VCL: variants seen among roughly 807,000 people sequenced by gnomAD.
The protein encoded by VCL is epididymis luminal protein 114.
Under a neutral mutation model 125.7 loss-of-function variants are expected in VCL, and 47 were observed. The observed-to-expected ratio is 0.37, with a 90% CI of 0.30 to 0.48. VCL has a LOEUF of 0.48. Ranked by LOEUF, VCL falls within the 20% of genes least tolerant of loss-of-function variation. VCL has a pLI of 0.99. For synonymous variants in VCL, 458 were observed against 514.6 expected, an observed-to-expected ratio of 0.89 and a Z score of 1.49; for missense variants, 1,069 against 1,455.5, an observed-to-expected ratio of 0.73 and a Z score of 4.32.
intron 2 of VCL, among the ~76,000 whole-genome samples, chr10:74,051,616 A>T (rs1465183124): frequency 2.0e-5 from 3 of 152,226 alleles, no homozygotes; most frequent in Admixed American, 2.0e-4. Flanking sequence ...GAACTGTTTG[A>T]TTCCAAGTAT....
chr10:74,018,160 T>G (rs1414938071), intron 1 of VCL, among the ~76,000 whole-genome samples: 4 of 92,896 alleles, frequency 4.3e-5, no homozygotes, highest in Non-Finnish European at 1.0e-4. Flanking sequence ...TCTGGTAAAA[T>G]GTGAGGATAT....
chr10:74,003,257 CAG>C (rs1565630426), intron 1 of VCL, among the ~76,000 whole-genome samples: 1 of 151,706 alleles, frequency 6.6e-6, no homozygotes, highest in East Asian at 1.9e-4. Context: ...GTTTTAAACA[CAG>C]AGAGTGAGTC....
intron 6 of VCL, 144 bp from the exon 7 acceptor site, chr10:74,082,310 T>C (rs777944202): frequency 3.2e-5 from 24 of 760,508 alleles, no homozygotes; most frequent in Admixed American, 2.8e-4. Flanking sequence ...AGAATTGTGG[T>C]GTGGTGACAA....
At chr10:74,024,705 G>T (rs1042981343) in intron 1 of VCL, among the ~76,000 whole-genome samples, 5 of 152,142 alleles carry the variant, frequency 3.3e-5, no homozygotes, top group African/African-American at 1.2e-4. Flanking sequence ...GTGTTGGTCA[G>T]TACTGGTTCA....
intron 2 of VCL, among the ~76,000 whole-genome samples, chr10:74,066,652 C>A (rs1841575702): frequency 6.7e-6 from 1 of 149,086 alleles, no homozygotes; most frequent in African/African-American, 2.5e-5. Context: ...TCTAAAGTAC[C>A]TGGTACTATT....
At chr10:74,002,892 AAAAAAG>A (rs1278097962) in intron 1 of VCL, among the ~76,000 whole-genome samples, 17 of 151,540 alleles carry the variant, frequency 1.1e-4, no homozygotes, top group African/African-American at 3.1e-4. Flanking sequence ...AAAAAAAAAA[AAAAAAG>A]AAAGACATTA....
chr10:74,024,098 A>C (rs1338068510), intron 1 of VCL, among the ~76,000 whole-genome samples: 2 of 152,220 alleles, frequency 1.3e-5, no homozygotes, highest in Non-Finnish European at 2.9e-5. Context: ...CATTTGACAC[A>C]TGAATATTAT....
rs1223112568 is a variant in VCL at position 74,070,836 on chromosome 10, C to T, written c.390+16C>T. 1 of 1,613,788 alleles carries T rather than the reference C, an allele frequency of 6.2e-7. No individual in the cohort carries two copies. The highest frequency in any genetic ancestry group is 8.5e-7 in the Non-Finnish European group (1 of 1,179,942). On this transcript the variant is annotated intron_variant, in intron 3 of 21. Coordinates refer to ENST00000211998, the MANE Select transcript of VCL (RefSeq NM_014000.3). ...TGAGGCTGAGGTAGGCAATCTGAGA[C>T]AAAAAGCCTACTCTTGAAGATAATA...
intron 1 of VCL, among the ~76,000 whole-genome samples, chr10:74,000,055 G>A (rs1840198572): frequency 6.6e-6 from 1 of 152,064 alleles, no homozygotes; most frequent in Admixed American, 6.6e-5. Flanking sequence ...TGTAGTCTAG[G>A]GGTTGATATC....
At position 73,998,343 on chromosome 10, in the gene VCL, G is replaced by A. The variant is rs992545879; in HGVS notation, c.136G>A (p.Ala46Thr). The change falls in exon 1 of 22, where the codon GCC becomes ACC. Residue 46 changes from alanine to threonine, a missense_variant. By Grantham distance (58) the Ala-to-Thr change is moderately conservative (BLOSUM62 0). Around this residue, in one of 6 missense-constraint regions of VCL, gnomAD observed 96 missense variants for 137.6 expected, o/e 0.70. Transcript: ENST00000211998. ...AIPDLTAPVA[A>T]VQAAVSNLVR... is the part of the protein sequence containing the mutation. ...TCCTGACCTCACCGCGCCCGTGGCC[G>A]CCGTGCAGGCGGCCGTCAGCAACCT... The A allele has an allele frequency of 4.5e-6, 7 of 1,552,536 alleles. No homozygotes were observed. Among genetic ancestry groups the A allele is most frequent in the Non-Finnish European group, 4.4e-6 (5 of 1,147,556 alleles).
At chr10:74,101,542 G>GTTTTTTT (rs964739371) in intron 14 of VCL, among the ~76,000 whole-genome samples, 35 of 88,128 alleles carry the variant, frequency 4.0e-4, no homozygotes, top group African/African-American at 7.6e-4. Context: ...CTATTTATTA[G>GTTTTTTT]TTTTTTTTTT....
intron 1 of VCL, among the ~76,000 whole-genome samples, chr10:74,009,413 C>T (rs563521232): frequency 6.6e-6 from 1 of 151,958 alleles, no homozygotes; most frequent in Non-Finnish European, 1.5e-5. Flanking sequence ...CGCCTGCCAC[C>T]ACGCCCGGCT....
rs1424851020 is a variant in VCL at position 73,998,166 on chromosome 10, C to G, written c.-42C>G. On this transcript the variant is annotated 5_prime_UTR_variant, in exon 1 of 22. Coordinates refer to ENST00000211998, the MANE Select transcript of VCL (RefSeq NM_014000.3). Reference sequence around the variant, plus strand: ...CCGGTTCCCGGCCCCGTGGATCCTACTTCTCTGTCGCCCGCGGTTCGCCGC... The same window carrying G: ...CCGGTTCCCGGCCCCGTGGATCCTAGTTCTCTGTCGCCCGCGGTTCGCCGC... The G allele has an allele frequency of 1.9e-6, 3 of 1,603,232 alleles. No individual in the cohort carries two copies. Among genetic ancestry groups the G allele is most frequent in the African/African-American group, 2.7e-5 (2 of 74,618 alleles).
intron 2 of VCL, among the ~76,000 whole-genome samples, 154 bp from the exon 3 acceptor site, chr10:74,070,516 T>C (rs1456344838): frequency 6.6e-6 from 1 of 152,174 alleles, no homozygotes; most frequent in African/African-American, 2.4e-5. Context: ...AATTGTAAAA[T>C]CTAAAAACGT....
At chr10:74,066,047 G>GTATATATATATATATA (rs143197525) in intron 2 of VCL, among the ~76,000 whole-genome samples, 73 of 133,234 alleles carry the variant, frequency 5.5e-4, no homozygotes, top group South Asian at 9.3e-4. Context: ...ATCAATTTTG[G>GTATATATATATATATA]TATATATATA....
intron 1 of VCL, among the ~76,000 whole-genome samples, chr10:74,015,632 A>AATCC (rs1840523994): frequency 6.6e-6 from 1 of 151,616 alleles, no homozygotes; most frequent in Non-Finnish European, 1.5e-5. Context: ...TATGCCATTT[A>AATCC]ATCCATTCAC....
chr10:74,072,677 G>A, intron 4 of VCL, 53 bp from the exon 5 acceptor site: 1 of 1,613,222 alleles, frequency 6.2e-7, no homozygotes, highest in South Asian at 1.1e-5. Context: ...GAGAAAGCCA[G>A]ACCCGGGATT....
intron 13 of VCL, 24 bp from the exon 14 acceptor site, chr10:74,100,924 C>A (rs749433705): frequency 6.2e-7 from 1 of 1,613,446 alleles, no homozygotes; most frequent in South Asian, 1.1e-5. Context: ...AATAAATGTT[C>A]TTAATATCTG....
chr10:74,029,915 G>A (rs1230803174), intron 1 of VCL, among the ~76,000 whole-genome samples: 1 of 152,130 alleles, frequency 6.6e-6, no homozygotes, highest in Non-Finnish European at 1.5e-5. Flanking sequence ...AAAATCACCT[G>A]AAATTCTACT....
Sources: allele counts gnomAD v4.1 joint callset (sites outside exome capture counted in the v4.1 genomes callset), GRCh38; gene constraint gnomAD v4.1.1; regional missense constraint gnomAD v4.1.1; transcripts MANE v1.5; gene names NCBI Gene and HGNC (gene_info 2026-07-23, HGNC 2026-07-21).